Variants in SLC28A3 observed in about 807,000 individuals in gnomAD.
The protein encoded by SLC28A3 is concentrative Na(+)-nucleoside cotransporter 3.
In SLC28A3, 68 loss-of-function variants were observed where a neutral mutation model predicts 84.2. That is an observed-to-expected ratio of 0.81 (90% CI 0.66 to 0.99). The LOEUF (loss-of-function observed/expected upper bound fraction) is 0.99, where lower values mean the gene tolerates loss of function less well. Ranked by LOEUF, SLC28A3 falls within the 50% of genes least tolerant of loss-of-function variation. The pLI is 0.00. For missense variants in SLC28A3, 712 were observed against 841.5 expected, an observed-to-expected ratio of 0.85 and a Z score of 1.90; for synonymous variants, 267 against 303.6, an observed-to-expected ratio of 0.88 and a Z score of 1.25.
At chr9:84,315,808 G>A (rs1316454654) in intron 1 of SLC28A3, among the ~76,000 whole-genome samples, 4 of 152,116 alleles carry the variant, frequency 2.6e-5, no homozygotes, top group African/African-American at 9.7e-5. Flanking sequence ...TGTGATATGG[G>A]GCCCCAGATA....
the SLC28A3 span, among the ~76,000 whole-genome samples, chr9:84,366,417 T>C: frequency 2.0e-5 from 3 of 152,112 alleles, no homozygotes; most frequent in Non-Finnish European, 2.9e-5. Context: ...TTTGGTGAAG[T>C]CTTGTTTTCC....
intron 1 of SLC28A3, 46 bp downstream of exon 1, chr9:84,340,528 G>T: frequency 1.9e-6 from 3 of 1,603,446 alleles, no homozygotes; most frequent in Non-Finnish European, 2.6e-6. Flanking sequence ...GGAAAGGGCA[G>T]CTTTTCCACT....
intron 1 of SLC28A3, among the ~76,000 whole-genome samples, chr9:84,326,312 G>A (rs1667717841): frequency 6.6e-6 from 1 of 151,974 alleles, no homozygotes; most frequent in Admixed American, 6.6e-5. Flanking sequence ...GTAATTAACT[G>A]GAGTGGAGAT....
intron 8 of SLC28A3, among the ~76,000 whole-genome samples, chr9:84,295,158 G>C (rs1825367305): frequency 6.6e-6 from 1 of 151,974 alleles, no homozygotes; most frequent in South Asian, 2.1e-4. Context: ...AGTCAATAGG[G>C]GTCTGTCATG....
rs760110125 is a variant in SLC28A3, at chr9:84,297,909, A to C, written c.780T>G (p.Val260=). The change falls in exon 7 of 18, where the codon GTT becomes GTG. Residue 260 remains valine, a synonymous_variant. Transcript: ENST00000376238. ...TGTTCTTTTGAACCAAACTTACCTGAACTTGTCTGCCCAACCAATCAAAAG... is the reference window on the plus strand; with the variant it reads ...TGTTCTTTTGAACCAAACTTACCTGCACTTGTCTGCCCAACCAATCAAAAG... ...FIAFDWLGRQ[V]QTFLEYTDAG... is the part of the protein sequence containing the mutation. The C allele has an allele frequency of 5.0e-6, 8 of 1,598,748 alleles. No individual in the cohort carries two copies. Among genetic ancestry groups the C allele is most frequent in the Middle Eastern group, 1.7e-4 (1 of 6,002 alleles).
intron 15 of SLC28A3, among the ~76,000 whole-genome samples, chr9:84,280,458 C>A (rs374929850): frequency 3.4e-4 from 52 of 152,302 alleles, no homozygotes; most frequent in Middle Eastern, 3.4e-3. Flanking sequence ...GCAGACACCA[C>A]TAAGAAATCA....
intron 3 of SLC28A3, among the ~76,000 whole-genome samples, chr9:84,306,214 A>T (rs1588591471): frequency 6.6e-6 from 1 of 152,074 alleles, no homozygotes; most frequent in East Asian, 1.9e-4. Context: ...TGTCCCCTCC[A>T]GGCCACGGGA....
rs1392934870 is a variant in SLC28A3, at chr9:84,288,093, T to G, written c.1235A>C (p.Glu412Ala). ...ATTCTTGAGGGTTATTTTAGGTTTT[T>G]CTGTCTCAGGCCAAAAGAGTTTAGC... ...AAAKLFWPET[E>A]KPKITLKNAM... The change falls in exon 12 of 18, where the codon GAA becomes GCA. Residue 412 changes from glutamate (E) to alanine (A), a missense_variant. Physicochemically the swap from Glu to Ala is moderately radical, Grantham distance 107. Coordinates refer to ENST00000376238, the MANE Select transcript of SLC28A3 (RefSeq NM_001199633.2). 6.2e-7 allele frequency: 1 copy of G among 1,614,136 alleles called. No homozygotes were observed. Among genetic ancestry groups the G allele is most frequent in the South Asian group, 1.1e-5 (1 of 91,080 alleles).
chr9:84,304,042 C>G (rs1307517045), intron 4 of SLC28A3, among the ~76,000 whole-genome samples: 1 of 152,214 alleles, frequency 6.6e-6, no homozygotes, highest in Non-Finnish European at 1.5e-5. Flanking sequence ...GGCTGCAACC[C>G]TTTATGACTT....
At chr9:84,332,306 C>T (rs1826818389) in intron 1 of SLC28A3, among the ~76,000 whole-genome samples, 1 of 152,110 alleles carries the variant, frequency 6.6e-6, no homozygotes, top group Admixed American at 6.6e-5. Flanking sequence ...GCTAAATCCT[C>T]ATCTGTCATA....
In SLC28A3 at chr9:84,277,039, T is replaced by A. The variant is rs1179081552; in HGVS notation, c.*1179A>T. On this transcript the variant is annotated 3_prime_UTR_variant, in exon 18 of 18. Transcript: ENST00000376238. Reference sequence around the variant, plus strand: ...GACACTGACACCCATTCTTCAAGTTTGATACTGATGCCATCCTGGTCAATG... The same window carrying A: ...GACACTGACACCCATTCTTCAAGTTAGATACTGATGCCATCCTGGTCAATG... 2.6e-5 allele frequency: 4 copies of A among 152,250 alleles called. No individual in the cohort carries two copies. The highest frequency in any genetic ancestry group is 5.9e-5 in the Non-Finnish European group (4 of 68,044). 9.4% of individuals were successfully genotyped at this position (152,250 alleles called of 1,614,324 possible).
upstream of SLC28A3, among the ~76,000 whole-genome samples, chr9:84,342,580 ATTT>A (rs34749390): frequency 2.1e-5 from 3 of 143,060 alleles, no homozygotes; most frequent in Admixed American, 7.0e-5. Flanking sequence ...CCATGGCTAA[ATTT>A]TTTTTTTTTT....
At chr9:84,313,503 C>G in intron 1 of SLC28A3, 49 bp from the exon 2 acceptor site, 1 of 1,489,636 alleles carries the variant, frequency 6.7e-7, no homozygotes, top group South Asian at 1.1e-5. Context: ...AGCCAAAAGA[C>G]AGATGTTCTT....
At chr9:84,328,682 T>C (rs4877273) in intron 1 of SLC28A3, among the ~76,000 whole-genome samples, 124,026 of 152,182 alleles carry the variant, frequency 0.81, 50,742 homozygotes, top group African/African-American at 0.89. Flanking sequence ...TTGCTTAAAC[T>C]TGGGAGGCGG....
At chr9:84,318,420 G>T (rs1318622233) in intron 1 of SLC28A3, among the ~76,000 whole-genome samples, 1 of 152,138 alleles carries the variant, frequency 6.6e-6, no homozygotes, top group Non-Finnish European at 1.5e-5. Context: ...TTCTTCCCTT[G>T]GGAACTTTGT....
the SLC28A3 span, among the ~76,000 whole-genome samples, chr9:84,355,861 T>C: frequency 1.3e-5 from 2 of 152,186 alleles, no homozygotes; most frequent in Non-Finnish European, 2.9e-5. Flanking sequence ...TCACCCAGGC[T>C]GGATTGCAGT....
intron 1 of SLC28A3, among the ~76,000 whole-genome samples, chr9:84,325,957 G>A (rs964901230): frequency 6.6e-6 from 1 of 152,142 alleles, no homozygotes; most frequent in Non-Finnish European, 1.5e-5. Flanking sequence ...GGCTGTAAGT[G>A]GCTTCTTATA....
intron 16 of SLC28A3, 90 bp from the exon 17 acceptor site, chr9:84,279,475 G>T (rs952396988): frequency 9.6e-7 from 1 of 1,043,008 alleles, no homozygotes; most frequent in Non-Finnish European, 1.2e-6. Flanking sequence ...AGAGTCTTGC[G>T]CTTTTGCCCA....
intron 14 of SLC28A3, among the ~76,000 whole-genome samples, chr9:84,284,375 C>T (rs538781868): frequency 1.2e-3 from 180 of 152,206 alleles, no homozygotes; most frequent in African/African-American, 4.1e-3. Context: ...AATCAGTGCT[C>T]CCCAGGAGTG....
Sources: allele counts gnomAD v4.1 joint callset (sites outside exome capture counted in the v4.1 genomes callset), GRCh38; gene constraint gnomAD v4.1.1; transcripts MANE v1.5; gene names NCBI Gene and HGNC (gene_info 2026-07-23, HGNC 2026-07-21).